The following LGI1 variants were observed in gnomAD, a reference collection of about 807,000 sequenced individuals.
LGI1 encodes the protein leucine-rich glioma-inactivated protein 1.
A neutral mutation model predicts 57.7 loss-of-function variants in LGI1; 11 were observed. That is an observed-to-expected ratio of 0.19 (90% CI 0.12 to 0.32). The LOEUF is 0.32. Among genes scored for constraint, LGI1 ranks in the 10% least tolerant of loss-of-function variants. The pLI, the probability that LGI1 is intolerant of heterozygous loss-of-function variation, is 1.00. For missense variants in LGI1, 422 were observed against 661.9 expected, an observed-to-expected ratio of 0.64 and a Z score of 3.98; for synonymous variants, 222 against 241.9, an observed-to-expected ratio of 0.92 and a Z score of 0.76.
At chr10:93,796,940 A>T in intron 7 of LGI1, 28 bp from the exon 8 acceptor site, 1 of 1,568,622 alleles carries the variant, frequency 6.4e-7, no homozygotes, top group Non-Finnish European at 8.8e-7. Flanking sequence ...ATGGCCACAC[A>T]ACTAATCTCT....
chr10:93,777,281 C>T (rs1589761866), intron 2 of LGI1, 98 bp from the exon 3 acceptor site: 3 of 1,019,518 alleles, frequency 2.9e-6, no homozygotes, highest in Non-Finnish European at 4.7e-6. Context: ...AGACATTTTT[C>T]TGTATACAAC....
chr10:93,785,636 A>T (rs2059889384), intron 4 of LGI1, among the ~76,000 whole-genome samples: 1 of 152,224 alleles, frequency 6.6e-6, no homozygotes, highest in African/African-American at 2.4e-5. Flanking sequence ...GCTTCTGTTG[A>T]GGAAAAGTTA....
At chr10:93,784,950 A>T (rs989229588) in intron 4 of LGI1, among the ~76,000 whole-genome samples, 1 of 152,206 alleles carries the variant, frequency 6.6e-6, no homozygotes, top group African/African-American at 2.4e-5. Flanking sequence ...GGAAGAAAAC[A>T]TGACTAAATC....
intron 2 of LGI1, chr10:93,763,676 C>T (rs1303756340): frequency 6.6e-6 from 1 of 152,128 alleles, no homozygotes; most frequent in Non-Finnish European, 1.5e-5. Flanking sequence ...ACTAAAAAAA[C>T]TCGAGGAGAT....
intron 2 of LGI1, among the ~76,000 whole-genome samples, chr10:93,760,740 C>G (rs2059614185): frequency 1.3e-5 from 2 of 152,226 alleles, no homozygotes; most frequent in South Asian, 4.1e-4. Context: ...CAGAGGGAAG[C>G]CAAGGGACTG....
At chr10:93,764,593 G>A (rs1168492847) in intron 2 of LGI1, 1 of 152,142 alleles carries the variant, frequency 6.6e-6, no homozygotes, top group Non-Finnish European at 1.5e-5. Context: ...AGACTTGTGG[G>A]CAGATAAGCA....
chr10:93,758,696 C>CTG lies in LGI1; in HGVS notation c.216-52_216-51dup, dbSNP rs914715887. The CTG allele has an allele frequency of 2.9e-5, 33 of 1,133,726 alleles. No individual in the cohort carries two copies. The highest frequency in any genetic ancestry group is 1.1e-4 in the African/African-American group (7 of 65,806). 70.2% of individuals were successfully genotyped at this position (1,133,726 alleles called of 1,614,324 possible). A position where few individuals can be genotyped will look rare whatever the true frequency, so the allele number is the denominator to read the frequency against. On this transcript the variant is annotated intron_variant, in intron 1 of 7. Transcript: ENST00000371418. This position sits in a 1 kb window ranked among gnomAD's most constrained non-coding sequence, Gnocchi z 4.7. The stretch of plus-strand genomic sequence containing the variant: ...AAACCGGATTAACATAAGGTTTGTT[C>CTG]TGTGTGTGTGTGTCTCTTTGTGTGT...
rs368985089 is a variant in LGI1, at chr10:93,777,414, A to G, written c.323A>G (p.Asp108Gly). 18 of 1,614,128 alleles carry G rather than the reference A, an allele frequency of 1.1e-5. No individual in the cohort carries two copies. The highest frequency in any genetic ancestry group is 1.5e-5 in the Non-Finnish European group (18 of 1,179,996). The change falls in exon 3 of 8, where the codon GAT becomes GGT. Residue 108 changes from aspartate (D) to glycine (G), a missense_variant. Around this residue, in one of 3 missense-constraint regions of LGI1, gnomAD observed 63 missense variants for 138.4 expected, o/e 0.46. Coordinates refer to ENST00000371418, the MANE Select transcript of LGI1 (RefSeq NM_005097.4). ...FTSNSFDVISDDAFIGLPHLE... is the reference protein window; with the variant it reads ...FTSNSFDVISGDAFIGLPHLE... ...TCGAACTCCTTTGATGTGATCAGTG[A>G]TGATGCTTTTATTGGTCTTCCACAT...
chr10:93,778,173 A>G (rs59353452), intron 4 of LGI1, among the ~76,000 whole-genome samples: 2 of 152,260 alleles, frequency 1.3e-5, no homozygotes, highest in South Asian at 4.1e-4. Flanking sequence ...GGGGATGTAA[A>G]TGGCATCTAG....
Position 93,793,347 on chromosome 10 carries a change from A to G in LGI1, c.835A>G (p.Thr279Ala), listed in dbSNP as rs752003436. Residue 279 changes from threonine to alanine, a missense_variant, in exon 7 of 8, where the codon ACA becomes GCA. Coordinates refer to ENST00000371418, the MANE Select transcript of LGI1 (RefSeq NM_005097.4). ...EKTFRNYDNI[T>A]GTSTVVCKPI... The stretch of plus-strand genomic sequence containing the variant: ...GACCTTCCGGAATTATGACAACATT[A>G]CAGGTATGAAAAGCCTAATGATATT... The G allele has an allele frequency of 6.2e-7, 1 of 1,613,528 alleles. No individual in the cohort carries two copies. The highest frequency in any genetic ancestry group is 8.5e-7 in the Non-Finnish European group (1 of 1,179,486).
rs1417147779 is a variant in LGI1, at chr10:93,777,349, C to A, written c.288-30C>A. ...CAAGATTGACAATCTGTCAGTTTCA[C>A]CATTTTCATTGTGTACTTTTTCTGG... On this transcript the variant is annotated intron_variant, in intron 2 of 7. Transcript: ENST00000371418. 3.1e-6 allele frequency: 5 copies of A among 1,597,754 alleles called. No homozygotes were observed. In the South Asian group the frequency reaches 5.5e-5, roughly 18 times the overall value.
chr10:93,765,187 C>A (rs117889871), intron 2 of LGI1: 1 of 152,166 alleles, frequency 6.6e-6, no homozygotes. Flanking sequence ...TATTGGGCTG[C>A]GTGATCCAAT....
intron 2 of LGI1, 189 bp from the exon 3 acceptor site, chr10:93,777,190 C>G: frequency 1.5e-6 from 1 of 645,910 alleles, no homozygotes; most frequent in South Asian, 1.8e-5. Context: ...CCTTGATGAG[C>G]CTTTGATGAG....
At chr10:93,781,199 A>G (rs1166910690) in intron 4 of LGI1, among the ~76,000 whole-genome samples, 1 of 152,044 alleles carries the variant, frequency 6.6e-6, no homozygotes, top group Non-Finnish European at 1.5e-5. Context: ...TCTACTAAAA[A>G]ATACAAAAAA....
At position 93,758,834 on chromosome 10, in the gene LGI1, G is replaced by A. The variant is rs1370527260; in HGVS notation, c.287+3G>A. 8 of 1,600,624 alleles carry A rather than the reference G, an allele frequency of 5.0e-6. No individual in the cohort carries two copies. Among genetic ancestry groups the A allele is most frequent in the African/African-American group, 1.3e-5 (1 of 74,644 alleles). On this transcript the variant is annotated splice_donor_region_variant and intron_variant, in intron 2 of 7. Transcript: ENST00000371418. This position sits in a 1 kb window ranked among gnomAD's most constrained non-coding sequence, Gnocchi z 4.7. ...TTCACGCCATCGCTGCAGCTCTTGT[G>A]AGAAATATTTATATCATGACTATTT...
At chr10:93,762,603 G>A (rs2059634765) in intron 2 of LGI1, 1 of 152,118 alleles carries the variant, frequency 6.6e-6, no homozygotes, top group South Asian at 2.1e-4. Flanking sequence ...ATTATTAGCT[G>A]GTTATAGGTG....
chr10:93,771,095 A>G (rs1043033203), intron 2 of LGI1: 5 of 151,726 alleles, frequency 3.3e-5, no homozygotes, highest in East Asian at 3.9e-4. Flanking sequence ...GAAAATGCCA[A>G]AAAAAAATGT....
At chr10:93,772,375 G>A (rs1212793303) in intron 2 of LGI1, among the ~76,000 whole-genome samples, 2 of 151,986 alleles carry the variant, frequency 1.3e-5, no homozygotes, top group African/African-American at 4.8e-5. Flanking sequence ...TCTATCCTAA[G>A]TCTATCATAA....
chr10:93,771,111 A>G (rs1377136708), intron 2 of LGI1: 2 of 152,238 alleles, frequency 1.3e-5, no homozygotes, highest in African/African-American at 2.4e-5. Context: ...AATGTGCCAG[A>G]CATTTGAAGG....
Sources: allele counts gnomAD v4.1 joint callset (sites outside exome capture counted in the v4.1 genomes callset), GRCh38; gene constraint gnomAD v4.1.1; regional missense constraint gnomAD v4.1.1; non-coding constraint Gnocchi (gnomAD v3.1); transcripts MANE v1.5; gene names NCBI Gene and HGNC (gene_info 2026-07-23, HGNC 2026-07-21).